The following GNG12 variants were observed in gnomAD, a reference collection of about 807,000 sequenced individuals.
The protein encoded by GNG12 is guanine nucleotide-binding protein G(I)/G(S)/G(O) subunit gamma-12.
For missense variants in GNG12, 69 were observed against 83.8 expected, an observed-to-expected ratio of 0.82 and a Z score of 0.69; for synonymous variants, 28 against 29.7, an observed-to-expected ratio of 0.94 and a Z score of 0.19.
chr1:67,760,819 A>G (rs1646598965), intron 2 of GNG12, among the ~76,000 whole-genome samples: 2 of 152,230 alleles, frequency 1.3e-5, no homozygotes, highest in African/African-American at 4.8e-5. Context: ...CTTGCAGTCA[A>G]ATAGGAGGGG....
chr1:67,756,649 C>T (rs1047772372), intron 2 of GNG12, among the ~76,000 whole-genome samples: 3 of 152,118 alleles, frequency 2.0e-5, no homozygotes, highest in Non-Finnish European at 4.4e-5. Context: ...TGTGATGTGA[C>T]GCTCCGCCTC....
chr1:67,732,987 G>T (rs1325878631), intron 2 of GNG12, among the ~76,000 whole-genome samples: 2 of 152,220 alleles, frequency 1.3e-5, no homozygotes, highest in Non-Finnish European at 2.9e-5. Context: ...AGCTGGTGTG[G>T]CTTACCCGAG....
intron 1 of GNG12, among the ~76,000 whole-genome samples, chr1:67,831,523 T>C (rs2100835401): frequency 6.6e-6 from 1 of 152,324 alleles, no homozygotes; most frequent in South Asian, 2.1e-4. Flanking sequence ...TCTAGTAAAT[T>C]ACATGAGTTA....
chr1:67,825,814 C>T (rs1222671957), intron 1 of GNG12, among the ~76,000 whole-genome samples: 3 of 152,156 alleles, frequency 2.0e-5, no homozygotes, highest in African/African-American at 4.8e-5. Flanking sequence ...AACTACACAA[C>T]GGGTGCTGGT....
intron 1 of GNG12, among the ~76,000 whole-genome samples, chr1:67,825,644 A>T (rs1647006880): frequency 6.6e-6 from 1 of 152,208 alleles, no homozygotes; most frequent in Non-Finnish European, 1.5e-5. Flanking sequence ...GCCTTTTTCC[A>T]GAAGCAGCAG....
chr1:67,821,257 G>T (rs1646983180), intron 1 of GNG12, among the ~76,000 whole-genome samples: 1 of 152,118 alleles, frequency 6.6e-6, no homozygotes, highest in African/African-American at 2.4e-5. Flanking sequence ...TACCCTATAG[G>T]TGGGCCCGAT....
chr1:67,817,787 CTTT>C (rs66518207), intron 1 of GNG12, among the ~76,000 whole-genome samples: 1,780 of 108,222 alleles, frequency 0.016, 22 homozygotes, highest in African/African-American at 0.054. Flanking sequence ...TTCTTTCTTT[CTTT>C]TTTTTTTTTT....
At chr1:67,796,935 G>A (rs1646834612) in intron 1 of GNG12, among the ~76,000 whole-genome samples, 1 of 152,186 alleles carries the variant, frequency 6.6e-6, no homozygotes, top group Non-Finnish European at 1.5e-5. Context: ...GTCACTTGGT[G>A]AGCCAGACAG....
At chr1:67,813,502 A>T (rs752595648) in intron 1 of GNG12, among the ~76,000 whole-genome samples, 14 of 152,194 alleles carry the variant, frequency 9.2e-5, no homozygotes, top group Non-Finnish European at 1.8e-4. Context: ...TTCCAAGGAA[A>T]CTGGAACAAT....
intron 1 of GNG12, among the ~76,000 whole-genome samples, chr1:67,801,569 C>T (rs149397183): frequency 4.6e-5 from 7 of 152,208 alleles, no homozygotes; most frequent in African/African-American, 7.2e-5. Context: ...TGAGTACATT[C>T]GTGCTGTCGA....
At chr1:67,713,233 T>A (rs926576503) in intron 2 of GNG12, among the ~76,000 whole-genome samples, 2 of 152,236 alleles carry the variant, frequency 1.3e-5, no homozygotes, top group Non-Finnish European at 2.9e-5. Context: ...GGCCAAGGCC[T>A]GTGCATGCCT....
intron 2 of GNG12, among the ~76,000 whole-genome samples, chr1:67,754,909 C>T (rs1194799373): frequency 6.6e-6 from 1 of 152,246 alleles, no homozygotes; most frequent in African/African-American, 2.4e-5. Context: ...CAAGTTCACT[C>T]TTTCCTCATG....
intron 2 of GNG12, among the ~76,000 whole-genome samples, chr1:67,729,478 C>T (rs1390913009): frequency 6.6e-6 from 1 of 152,184 alleles, no homozygotes; most frequent in Non-Finnish European, 1.5e-5. Flanking sequence ...CCTTTGCCCA[C>T]TCGCAACCAG....
intron 2 of GNG12, 71 bp from the exon 3 acceptor site, chr1:67,707,783 T>C: frequency 1.3e-6 from 1 of 758,492 alleles, no homozygotes; most frequent in Non-Finnish European, 2.2e-6. Flanking sequence ...AATAATATGT[T>C]CTACTTAAAG....
At chr1:67,797,698 GT>G (rs1646840235) in intron 1 of GNG12, among the ~76,000 whole-genome samples, 3 of 152,146 alleles carry the variant, frequency 2.0e-5, no homozygotes, top group Admixed American at 2.0e-4. Flanking sequence ...GCCAGAAGAG[GT>G]TCTGACCTAG....
chr1:67,776,072 T>TA (rs770622020), intron 2 of GNG12, among the ~76,000 whole-genome samples: 16 of 152,202 alleles, frequency 1.1e-4, no homozygotes, highest in Middle Eastern at 3.4e-3. Flanking sequence ...TCCTGAAAGA[T>TA]AAACTGAAGA....
intron 2 of GNG12, among the ~76,000 whole-genome samples, chr1:67,723,457 C>T (rs1166079315): frequency 2.0e-5 from 3 of 152,172 alleles, no homozygotes; most frequent in Non-Finnish European, 4.4e-5. Context: ...GAAGAATGTA[C>T]TTCAAGATGT....
At chr1:67,788,170 A>G (rs750031839) in intron 1 of GNG12, among the ~76,000 whole-genome samples, 2 of 152,226 alleles carry the variant, frequency 1.3e-5, no homozygotes, top group African/African-American at 2.4e-5. Flanking sequence ...ATATTTGCAA[A>G]GCAAAAGCCT....
intron 3 of GNG12, among the ~76,000 whole-genome samples, chr1:67,706,744 C>T (rs1032440472): frequency 6.6e-6 from 1 of 151,412 alleles, no homozygotes; most frequent in African/African-American, 2.4e-5. Context: ...CAACCTCTGC[C>T]TCCTAGATTC....
Sources: gnomAD v4.1 joint callset for allele counts (sites outside exome capture counted in the v4.1 genomes callset) on GRCh38, gnomAD v4.1.1 for gene constraint, MANE v1.5 for transcripts, NCBI Gene and HGNC (gene_info 2026-07-23, HGNC 2026-07-21) for gene names.